The following ADGB variants were observed in gnomAD, a reference collection of about 807,000 sequenced individuals.
ADGB encodes calpain-7-like protein.
ADGB carries 172 observed loss-of-function variants against 210.5 expected under a neutral mutation model. The observed-to-expected ratio is 0.82, with a 90% CI of 0.72 to 0.93. The LOEUF (loss-of-function observed/expected upper bound fraction) is 0.93, where lower values mean the gene tolerates loss of function less well. Among genes scored for constraint, ADGB ranks in the 40% least tolerant of loss-of-function variants. The probability of loss-of-function intolerance (pLI) is 0.00; values close to 1 mark genes in which losing one functional copy is unlikely to be tolerated. For missense variants in ADGB, 2,025 were observed against 1,964.8 expected (o/e 1.03, Z -0.58); for synonymous variants, 658 against 662.7 (o/e 0.99, Z 0.11).
chr6:146,724,116 AAGAC>A, intron 17 of ADGB, 66 bp from the exon 18 acceptor site: 3 of 1,250,988 alleles, frequency 2.4e-6, no homozygotes, highest in Non-Finnish European at 2.2e-6. Context: ...TTAATAAAAA[AAGAC>A]AGTACTAGTG....
chr6:146,734,086 A>C, intron 22 of ADGB, 56 bp downstream of exon 22: 1 of 1,493,628 alleles, frequency 6.7e-7, no homozygotes, highest in Non-Finnish European at 9.0e-7. Flanking sequence ...ATAAATATTT[A>C]TGTGTGTTAA....
At chr6:146,646,441 G>A (rs1775612983) in intron 3 of ADGB, among the ~76,000 whole-genome samples, 1 of 152,068 alleles carries the variant, frequency 6.6e-6, no homozygotes, top group African/African-American at 2.4e-5. Context: ...AGTAATATAA[G>A]AGCCCCAAAC....
intron 33 of ADGB, among the ~76,000 whole-genome samples, 183 bp from the exon 34 acceptor site, chr6:146,801,000 G>A (rs1778122187): frequency 6.6e-6 from 1 of 151,430 alleles, no homozygotes; most frequent in Admixed American, 6.6e-5. Flanking sequence ...CCAGCTAGAG[G>A]ATAAACAAAA....
chr6:146,754,610 AT>A (rs534673400), intron 27 of ADGB, among the ~76,000 whole-genome samples: 1,548 of 151,978 alleles, frequency 0.01, 22 homozygotes, highest in African/African-American at 0.035. Flanking sequence ...ATGGGCTATG[AT>A]TTATTTTTTA....
Position 146,801,930 on chromosome 6 carries a change from A to C in ADGB, c.4737A>C (p.Arg1579Ser). Reference sequence around the variant, plus strand: ...ATCAGTTTCGACAGCATAGGACCAGAGTCCTTAGCATTCGAAACATTGACC... The same window carrying C: ...ATCAGTTTCGACAGCATAGGACCAGCGTCCTTAGCATTCGAAACATTGACC... ...EIHQFRQHRTRVLSIRNIDQE... is the reference protein window; with the variant it reads ...EIHQFRQHRTSVLSIRNIDQE... Residue 1579 changes from arginine (R) to serine (S), a missense_variant, in exon 35 of 36, where the codon AGA (arginine) becomes AGC (serine). Arg to Ser is a moderately radical substitution (Grantham distance 110). Transcript: ENST00000397944. The C allele has an allele frequency of 6.4e-7, 1 of 1,551,052 alleles. No individual in the cohort carries two copies. The highest frequency in any genetic ancestry group is 8.7e-7 in the Non-Finnish European group (1 of 1,146,700).
intron 27 of ADGB, among the ~76,000 whole-genome samples, chr6:146,762,208 C>A (rs934012099): frequency 3.3e-5 from 5 of 151,990 alleles, no homozygotes; most frequent in African/African-American, 1.2e-4. Flanking sequence ...ATCACTTATC[C>A]TCTTTTGAAG....
At chr6:146,704,828 G>A (rs1377505966) in intron 13 of ADGB, among the ~76,000 whole-genome samples, 1 of 151,950 alleles carries the variant, frequency 6.6e-6, no homozygotes, top group Non-Finnish European at 1.5e-5. Context: ...AATGTTGGTA[G>A]ATTACATTGA....
chr6:146,672,334 A>G lies in ADGB; in HGVS notation c.954A>G (p.Lys318=), dbSNP rs1298396767. ...SKIAVLDSKL[K]EPGKEGKEGK... ...TAGCAGTGTTAGATTCTAAATTAAA[A>G]GAACCAGGGAAAGAAGGGAAGGAGG... The change falls in exon 8 of 36, where the codon AAA becomes AAG. Residue 318 remains lysine, a synonymous_variant. Coordinates refer to ENST00000397944, the MANE Select transcript of ADGB (RefSeq NM_024694.4). 1 of 1,551,518 alleles carries G rather than the reference A, an allele frequency of 6.4e-7. No homozygotes were observed. The highest frequency in any genetic ancestry group is 8.7e-7 in the Non-Finnish European group (1 of 1,146,850).
At position 146,770,502 on chromosome 6, in the gene ADGB, A is replaced by AGG. The variant is rs1777634479; in HGVS notation, c.3862+1373_3862+1374dup. ...TTCTGAGGTTCCTCTCTCATTGGGC[A>AGG]GGGATGTGTTCTTCCTCGGTCTCAT... is the stretch of plus-strand genomic sequence containing the variant. On this transcript the variant is annotated intron_variant, in intron 29 of 35. Coordinates refer to ENST00000397944, the MANE Select transcript of ADGB (RefSeq NM_024694.4). The AGG allele has an allele frequency of 1.1e-5, 5 of 437,966 alleles. No homozygotes were observed. In the East Asian group the frequency reaches 3.7e-4, roughly 32 times the overall value. 27.1% of individuals were successfully genotyped at this position (437,966 alleles called of 1,614,324 possible). A position where few individuals can be genotyped will look rare whatever the true frequency, so the allele number is the denominator to read the frequency against.
intron 17 of ADGB, among the ~76,000 whole-genome samples, chr6:146,722,319 T>C (rs1776830095): frequency 6.6e-6 from 1 of 152,050 alleles, no homozygotes; most frequent in African/African-American, 2.4e-5. Context: ...CCTACAATTT[T>C]GGAAGCCACT....
intron 5 of ADGB, among the ~76,000 whole-genome samples, chr6:146,663,675 T>G (rs960807894): frequency 6.6e-6 from 1 of 152,098 alleles, no homozygotes; most frequent in Non-Finnish European, 1.5e-5. Flanking sequence ...TCATACAGTA[T>G]TTATCCTTTT....
chr6:146,678,310 T>C (rs994972465), intron 9 of ADGB, among the ~76,000 whole-genome samples: 11 of 152,226 alleles, frequency 7.2e-5, no homozygotes, highest in African/African-American at 2.4e-4. Flanking sequence ...CACTGCAATC[T>C]CCACCTCCCA....
chr6:146,761,893 T>C (rs1190748787), intron 27 of ADGB, among the ~76,000 whole-genome samples: 1 of 152,112 alleles, frequency 6.6e-6, no homozygotes, highest in Non-Finnish European at 1.5e-5. Context: ...TCCTTTCTTC[T>C]AGTTTTTGGT....
At chr6:146,662,416 A>T (rs1205702928) in intron 5 of ADGB, among the ~76,000 whole-genome samples, 1 of 152,076 alleles carries the variant, frequency 6.6e-6, no homozygotes, top group Non-Finnish European at 1.5e-5. Context: ...TATTGATCTC[A>T]TCAATTGAGA....
At chr6:146,615,253 A>G (rs1432730543) in intron 1 of ADGB, among the ~76,000 whole-genome samples, 1 of 151,946 alleles carries the variant, frequency 6.6e-6, no homozygotes, top group Non-Finnish European at 1.5e-5. Context: ...CTGAGTAAGA[A>G]TTCACTCATC....
intron 3 of ADGB, among the ~76,000 whole-genome samples, chr6:146,651,025 G>A (rs1469879970): frequency 1.3e-5 from 2 of 152,202 alleles, no homozygotes; most frequent in African/African-American, 4.8e-5. Context: ...CATTCCAGTT[G>A]ACTTACCCAG....
chr6:146,758,444 G>A (rs746114333), intron 27 of ADGB, among the ~76,000 whole-genome samples: 2 of 151,832 alleles, frequency 1.3e-5, no homozygotes, highest in Non-Finnish European at 2.9e-5. Context: ...ATTCTTGCAG[G>A]TAACACTGTT....
At chr6:146,788,309 C>T in intron 32 of ADGB, 80 bp from the exon 33 acceptor site, 1 of 1,263,708 alleles carries the variant, frequency 7.9e-7, no homozygotes, top group South Asian at 1.3e-5. Context: ...ATCTGTGCTC[C>T]CATCATCAAG....
At chr6:146,728,520 A>G in intron 19 of ADGB, 54 bp from the exon 20 acceptor site, 1 of 1,483,650 alleles carries the variant, frequency 6.7e-7, no homozygotes, top group South Asian at 1.3e-5. Context: ...ATTTGTATAA[A>G]CTAGATGACA....
Sources: gnomAD v4.1 joint callset for allele counts (sites outside exome capture counted in the v4.1 genomes callset) on GRCh38, gnomAD v4.1.1 for gene constraint, MANE v1.5 for transcripts, NCBI Gene and HGNC (gene_info 2026-07-23, HGNC 2026-07-21) for gene names.